The following FILIP1L variants were observed in gnomAD, a reference collection of about 807,000 sequenced individuals.
FILIP1L encodes filamin A-interacting protein 1-like.
FILIP1L carries 55 observed loss-of-function variants against 96.6 expected under a neutral mutation model. That is an observed-to-expected ratio of 0.57 (90% CI 0.46 to 0.71). The LOEUF is 0.71. Ranked by LOEUF, FILIP1L falls within the 30% of genes least tolerant of loss-of-function variation. The pLI is 0.00. For missense variants in FILIP1L, 1,304 were observed against 1,321.2 expected (o/e 0.99, Z 0.20); for synonymous variants, 467 against 473.9 (o/e 0.99, Z 0.19).
At chr3:100,102,532 A>T (rs1272502112) in intron 1 of FILIP1L, among the ~76,000 whole-genome samples, 1 of 152,122 alleles carries the variant, frequency 6.6e-6, no homozygotes, top group East Asian at 1.9e-4. Flanking sequence ...TTTTATCTGT[A>T]CGTCTCTTGT....
intron 1 of FILIP1L, among the ~76,000 whole-genome samples, chr3:100,027,075 C>CT (rs1210310862): frequency 6.6e-6 from 1 of 152,134 alleles, no homozygotes; most frequent in African/African-American, 2.4e-5. Flanking sequence ...CATCCCTTTG[C>CT]TTAAATGTCA....
At chr3:99,902,514 G>A (rs1173663363) in intron 4 of FILIP1L, among the ~76,000 whole-genome samples, 1 of 152,146 alleles carries the variant, frequency 6.6e-6, no homozygotes, top group African/African-American at 2.4e-5. Flanking sequence ...AGGGTATCTA[G>A]CTGTCAGCTC....
chr3:100,036,262 A>G (rs1171263120), intron 1 of FILIP1L, among the ~76,000 whole-genome samples: 24 of 152,208 alleles, frequency 1.6e-4, no homozygotes, highest in Non-Finnish European at 1.5e-5. Context: ...TTTCCCACTA[A>G]GAGGAACAAA....
chr3:100,013,394 C>T (rs796554007), intron 1 of FILIP1L, among the ~76,000 whole-genome samples: 69 of 152,164 alleles, frequency 4.5e-4, no homozygotes, highest in African/African-American at 1.6e-3. Flanking sequence ...CAGTCACATA[C>T]CACCATGCCC....
chr3:100,013,003 G>T (rs1482823403), intron 1 of FILIP1L, among the ~76,000 whole-genome samples: 2 of 151,832 alleles, frequency 1.3e-5, no homozygotes, highest in Non-Finnish European at 2.9e-5. Context: ...TTGTCATGTT[G>T]TCCGGGCTGA....
At chr3:100,073,260 C>T (rs1201358949) in intron 1 of FILIP1L, among the ~76,000 whole-genome samples, 1 of 152,106 alleles carries the variant, frequency 6.6e-6, no homozygotes, top group Non-Finnish European at 1.5e-5. Flanking sequence ...TATATATTAT[C>T]TGACTATTTT....
At chr3:100,075,712 T>C (rs1174254795) in intron 1 of FILIP1L, 3 of 152,184 alleles carry the variant, frequency 2.0e-5, no homozygotes, top group Non-Finnish European at 4.4e-5. Flanking sequence ...AATAACTAAT[T>C]ATAAAGGCAA....
intron 1 of FILIP1L, among the ~76,000 whole-genome samples, chr3:100,053,112 C>A (rs1197944671): frequency 6.6e-6 from 1 of 152,164 alleles, no homozygotes. Context: ...ATCTCTTAAA[C>A]CCTATATATT....
At chr3:99,945,587 A>C (rs1270728118) in intron 1 of FILIP1L, among the ~76,000 whole-genome samples, 1 of 152,198 alleles carries the variant, frequency 6.6e-6, no homozygotes, top group African/African-American at 2.4e-5. Context: ...GTTGCTTTGG[A>C]TGTTTTAGCA....
chr3:100,038,280 A>G (rs552389797), intron 1 of FILIP1L, among the ~76,000 whole-genome samples: 4 of 152,152 alleles, frequency 2.6e-5, no homozygotes, highest in Admixed American at 6.5e-5. Context: ...ATTAAAATAT[A>G]ACTCTTACAG....
intron 4 of FILIP1L, among the ~76,000 whole-genome samples, chr3:99,911,308 TTATTATA>T (rs1301020917): frequency 1.3e-5 from 2 of 148,774 alleles, no homozygotes; most frequent in African/African-American, 4.9e-5. Context: ...GTTGTTTTTG[TTATTATA>T]TATTATATAA....
At chr3:100,074,250 G>A (rs999043690) in intron 1 of FILIP1L, among the ~76,000 whole-genome samples, 1 of 152,210 alleles carries the variant, frequency 6.6e-6, no homozygotes, top group African/African-American at 2.4e-5. Flanking sequence ...ACAGACTGTG[G>A]AGAGCTCTTC....
At chr3:99,872,024 CCTACAGTA>C (rs1944814250) in intron 4 of FILIP1L, among the ~76,000 whole-genome samples, 1 of 151,964 alleles carries the variant, frequency 6.6e-6, no homozygotes, top group South Asian at 2.1e-4. Context: ...TAAATTAACA[CCTACAGTA>C]CTGAGGCTTT....
At chr3:99,997,268 G>A (rs1017702217) in intron 1 of FILIP1L, among the ~76,000 whole-genome samples, 2 of 152,090 alleles carry the variant, frequency 1.3e-5, no homozygotes, top group Non-Finnish European at 1.5e-5. Context: ...AATGATAAAA[G>A]GAGGCATTTT....
chr3:100,106,641 T>C (rs2066399907), intron 1 of FILIP1L, among the ~76,000 whole-genome samples: 1 of 152,164 alleles, frequency 6.6e-6, no homozygotes. Context: ...GGCTGTAGGA[T>C]CCAGAAGCAT....
chr3:99,948,543 G>C (rs1178309446), intron 1 of FILIP1L, among the ~76,000 whole-genome samples: 1 of 147,972 alleles, frequency 6.8e-6, no homozygotes, highest in African/African-American at 2.5e-5. Context: ...GGGGAAGGGA[G>C]GGGGAGGGGG....
At chr3:99,959,632 C>A (rs537476634) in intron 1 of FILIP1L, among the ~76,000 whole-genome samples, 1 of 152,096 alleles carries the variant, frequency 6.6e-6, no homozygotes, top group South Asian at 2.1e-4. Context: ...AATCTGTAGA[C>A]CAAAATGCTA....
intron 1 of FILIP1L, among the ~76,000 whole-genome samples, chr3:99,937,419 T>C (rs1263340515): frequency 6.6e-6 from 1 of 152,242 alleles, no homozygotes; most frequent in Non-Finnish European, 1.5e-5. Context: ...TTTCATGTGC[T>C]TTTCTCAACC....
chr3:99,988,341 C>CAAAAAAAAAAAAA (rs63321762), intron 1 of FILIP1L, among the ~76,000 whole-genome samples: 2 of 62,304 alleles, frequency 3.2e-5, no homozygotes, highest in African/African-American at 5.1e-5. Context: ...ACTAAAAATC[C>CAAAAAAAAAAAAA]AAAAAAAAAA....
Sources: gnomAD v4.1 joint callset for allele counts (sites outside exome capture counted in the v4.1 genomes callset) on GRCh38, gnomAD v4.1.1 for gene constraint, MANE v1.5 for transcripts, NCBI Gene and HGNC (gene_info 2026-07-23, HGNC 2026-07-21) for gene names.